ULK4: variants seen among roughly 807,000 people sequenced by gnomAD.
The protein encoded by ULK4 is unc-51 like kinase 4.
Under a neutral mutation model 160.6 loss-of-function variants are expected in ULK4, and 133 were observed. The observed-to-expected ratio is 0.83, with a 90% CI of 0.72 to 0.96. The LOEUF is 0.96. Among genes scored for constraint, ULK4 ranks in the 40% least tolerant of loss-of-function variants. ULK4 has a pLI of 0.00. For missense variants in ULK4, 1,580 were observed against 1,499.5 expected (o/e 1.05, Z -0.89); for synonymous variants, 534 against 539.8 (o/e 0.99, Z 0.15).
chr3:41,372,140 T>C (rs971956124), intron 35 of ULK4, among the ~76,000 whole-genome samples: 4 of 151,358 alleles, frequency 2.6e-5, no homozygotes, highest in Non-Finnish European at 5.9e-5. Context: ...AAATATGGGA[T>C]TATGTGAAAA....
Position 41,522,504 on chromosome 3 carries a change from T to C in ULK4, c.3226+43521A>G, listed in dbSNP as rs2085967557. The stretch of plus-strand genomic sequence containing the variant: ...CTGATAATTGAAAATATGGCTTTGA[T>C]ACTTGAGAATATTTTAGACATTAAG... On this transcript the variant is annotated intron_variant, in intron 32 of 36. Transcript: ENST00000301831. 2.0e-5 allele frequency among the ~76,000 whole-genome samples: 3 copies of C among 152,154 alleles called. No individual in the cohort carries two copies. The South Asian group carries it at 6.2e-4, about 32-fold the overall frequency.
chr3:41,484,550 T>C (rs9855354), intron 32 of ULK4, among the ~76,000 whole-genome samples: 64,381 of 149,952 alleles, frequency 0.43, 14,120 homozygotes, highest in African/African-American at 0.5. Context: ...CCTCCCGGGT[T>C]CACGCCATTC....
At position 41,869,324 on chromosome 3, in the gene ULK4, C is replaced by G. The variant is rs180761283; in HGVS notation, c.1656+14550G>C. Among the ~76,000 whole-genome samples the G allele has an allele frequency of 9.2e-3, 1,406 of 152,232 alleles. 11 individuals are homozygous for G. The highest frequency in any genetic ancestry group is 0.015 in the Non-Finnish European group (1,030 of 68,024). On this transcript the variant is annotated intron_variant, in intron 17 of 36. Transcript: ENST00000301831. Reference sequence around the variant, plus strand: ...GCACCATGGCTCGTGCCTATAATCCCGGCACTTTGGGAAGCTAAGGCGGAT... The same window carrying G: ...GCACCATGGCTCGTGCCTATAATCCGGGCACTTTGGGAAGCTAAGGCGGAT...
intron 17 of ULK4, among the ~76,000 whole-genome samples, chr3:41,836,389 T>C (rs1461032112): frequency 1.3e-5 from 2 of 152,092 alleles, no homozygotes; most frequent in Non-Finnish European, 2.9e-5. Context: ...GCCAGGCTGA[T>C]CTCAAACTCC....
intron 32 of ULK4, among the ~76,000 whole-genome samples, chr3:41,514,061 A>G (rs1202631895): frequency 6.6e-6 from 1 of 152,196 alleles, no homozygotes; most frequent in Non-Finnish European, 1.5e-5. Flanking sequence ...TTTTTCTTGC[A>G]TTTTAACTGT....
At chr3:41,561,288 G>C (rs533838771) in intron 32 of ULK4, among the ~76,000 whole-genome samples, 10 of 152,256 alleles carry the variant, frequency 6.6e-5, no homozygotes, top group African/African-American at 1.7e-4. Context: ...GAGGATTTTT[G>C]CATCAATGTT....
chr3:41,347,395 C>T (rs907933446), intron 35 of ULK4, among the ~76,000 whole-genome samples: 2 of 152,290 alleles, frequency 1.3e-5, no homozygotes, highest in South Asian at 4.1e-4. Context: ...AACATTCCAG[C>T]AAGTAAACAA....
intron 18 of ULK4, among the ~76,000 whole-genome samples, chr3:41,821,679 G>T (rs754338709): frequency 3.3e-5 from 5 of 151,938 alleles, no homozygotes; most frequent in Non-Finnish European, 1.5e-5. Flanking sequence ...CCTGAATAGG[G>T]TCACGGTATC....
intron 35 of ULK4, among the ~76,000 whole-genome samples, chr3:41,328,714 C>G (rs66630110): frequency 0.24 from 35,697 of 151,856 alleles, 4,353 homozygotes; most frequent in African/African-American, 0.27. Flanking sequence ...CAATCCCTTA[C>G]AGTTCTCGGG....
intron 19 of ULK4, among the ~76,000 whole-genome samples, chr3:41,809,079 T>C (rs796221718): frequency 2.5e-4 from 37 of 150,190 alleles, no homozygotes; most frequent in African/African-American, 9.1e-4. Flanking sequence ...GGCAGGAACA[T>C]AGCTTGAACC....
intron 29 of ULK4, among the ~76,000 whole-genome samples, chr3:41,663,969 T>C (rs1379557449): frequency 6.6e-6 from 1 of 152,040 alleles, no homozygotes; most frequent in Non-Finnish European, 1.5e-5. Context: ...CTCTCAACAA[T>C]AGAAATAATA....
At chr3:41,798,290 T>A (rs1015473387) in intron 20 of ULK4, among the ~76,000 whole-genome samples, 2 of 152,220 alleles carry the variant, frequency 1.3e-5, no homozygotes, top group Admixed American at 1.3e-4. Context: ...AGGCTCAGGA[T>A]TAAAATGAAT....
At chr3:41,683,905 T>C (rs757118740) in intron 27 of ULK4, among the ~76,000 whole-genome samples, 21 of 152,170 alleles carry the variant, frequency 1.4e-4, no homozygotes, top group Non-Finnish European at 1.3e-4. Context: ...TATTCAAGCA[T>C]GCAAGCCTAC....
intron 34 of ULK4, among the ~76,000 whole-genome samples, chr3:41,442,982 T>C (rs1166118440): frequency 6.6e-6 from 1 of 152,202 alleles, no homozygotes; most frequent in Non-Finnish European, 1.5e-5. Context: ...CTTGGTGAAC[T>C]GTCATCCTGC....
At chr3:41,640,527 C>T (rs1011484286) in intron 30 of ULK4, among the ~76,000 whole-genome samples, 1 of 152,138 alleles carries the variant, frequency 6.6e-6, no homozygotes, top group African/African-American at 2.4e-5. Flanking sequence ...GAGGAGGTGA[C>T]CAGAGACCTG....
chr3:41,870,064 C>G lies in ULK4; in HGVS notation c.1656+13810G>C, dbSNP rs1697034276. ...GCATCTATGGTTTCCAAGGAGAAGT[C>G]AGCACGCATTCATATAACTGTTTCC... On this transcript the variant is annotated intron_variant, in intron 17 of 36. Coordinates refer to ENST00000301831, the MANE Select transcript of ULK4 (RefSeq NM_017886.4). Among the ~76,000 whole-genome samples the G allele has an allele frequency of 2.6e-5, 4 of 152,120 alleles. No homozygotes were observed. The South Asian group carries it at 8.3e-4, about 32-fold the overall frequency.
intron 30 of ULK4, among the ~76,000 whole-genome samples, chr3:41,660,874 A>G (rs2035128767): frequency 6.6e-6 from 1 of 152,212 alleles, no homozygotes; most frequent in South Asian, 2.1e-4. Flanking sequence ...TAAATAAGTA[A>G]TTTCAGTCAA....
intron 23 of ULK4, among the ~76,000 whole-genome samples, chr3:41,716,431 T>C (rs1266642918): frequency 1.3e-5 from 2 of 152,046 alleles, no homozygotes; most frequent in African/African-American, 2.4e-5. Flanking sequence ...ATAAGTCCGG[T>C]AATAAAGAAT....
At chr3:41,334,983 G>A (rs941538743) in intron 35 of ULK4, among the ~76,000 whole-genome samples, 4 of 152,144 alleles carry the variant, frequency 2.6e-5, no homozygotes, top group African/African-American at 9.7e-5. Flanking sequence ...AGAATTTAAG[G>A]CAGGATAAAA....
Sources: allele counts gnomAD v4.1 joint callset (sites outside exome capture counted in the v4.1 genomes callset), GRCh38; gene constraint gnomAD v4.1.1; transcripts MANE v1.5; gene names NCBI Gene and HGNC (gene_info 2026-07-23, HGNC 2026-07-21).